Variants in SENP7 observed in about 807,000 individuals in gnomAD.
SENP7 encodes the protein SUMO specific peptidase 7.
A neutral mutation model predicts 141.2 loss-of-function variants in SENP7; 64 were observed. That is an observed-to-expected ratio of 0.45 (90% CI 0.37 to 0.56). The LOEUF (loss-of-function observed/expected upper bound fraction) is 0.56, where lower values mean the gene tolerates loss of function less well. Among genes scored for constraint, SENP7 ranks in the 20% least tolerant of loss-of-function variants. The probability of loss-of-function intolerance (pLI) is 0.00; values close to 1 mark genes in which losing one functional copy is unlikely to be tolerated. For synonymous variants in SENP7, 382 were observed against 426.4 expected (o/e 0.90, Z 1.28); for missense variants, 1,025 against 1,212.2 (o/e 0.85, Z 2.29).
chr3:101,434,228 A>G (rs2062298221), intron 4 of SENP7, among the ~76,000 whole-genome samples: 1 of 152,178 alleles, frequency 6.6e-6, no homozygotes, highest in Non-Finnish European at 1.5e-5. Flanking sequence ...AAATTTCTTG[A>G]AACAAATGAT....
At chr3:101,419,368 A>G (rs781187464) in intron 4 of SENP7, among the ~76,000 whole-genome samples, 1 of 152,224 alleles carries the variant, frequency 6.6e-6, no homozygotes, top group Non-Finnish European at 1.5e-5. Flanking sequence ...ATTAGGAAAC[A>G]CTGAGATCAG....
At chr3:101,402,157 A>T (rs2061163439) in intron 5 of SENP7, among the ~76,000 whole-genome samples, 1 of 152,198 alleles carries the variant, frequency 6.6e-6, no homozygotes, top group Non-Finnish European at 1.5e-5. Context: ...TAGATGAAAG[A>T]TCCTTCTATT....
chr3:101,375,929 A>G (rs2060315015), intron 6 of SENP7, among the ~76,000 whole-genome samples: 1 of 152,196 alleles, frequency 6.6e-6, no homozygotes, highest in South Asian at 2.1e-4. Context: ...ATTCACAGAG[A>G]CAGAAAGTAG....
At chr3:101,330,659 C>T (rs2059024810) in intron 19 of SENP7, among the ~76,000 whole-genome samples, 1 of 152,084 alleles carries the variant, frequency 6.6e-6, no homozygotes, top group African/African-American at 2.4e-5. Context: ...AGATAATCTT[C>T]AAAAATAGCT....
intron 6 of SENP7, among the ~76,000 whole-genome samples, chr3:101,385,112 G>A (rs1287315737): frequency 1.3e-5 from 2 of 152,058 alleles, no homozygotes; most frequent in African/African-American, 4.8e-5. Context: ...CAAACTGAAA[G>A]GATTTACTAG....
intron 6 of SENP7, among the ~76,000 whole-genome samples, chr3:101,381,550 T>C (rs2060502533): frequency 6.6e-6 from 1 of 152,090 alleles, no homozygotes; most frequent in African/African-American, 2.4e-5. Flanking sequence ...TCTCTTAATA[T>C]AAATATGCAT....
chr3:101,367,445 A>G (rs1414937794), intron 8 of SENP7, among the ~76,000 whole-genome samples: 2 of 151,452 alleles, frequency 1.3e-5, no homozygotes, highest in Non-Finnish European at 2.9e-5. Context: ...GTAAATTGCT[A>G]CTGATAAAAT....
intron 6 of SENP7, among the ~76,000 whole-genome samples, chr3:101,391,490 G>A (rs993140910): frequency 6.6e-6 from 1 of 151,926 alleles, no homozygotes; most frequent in African/African-American, 2.4e-5. Flanking sequence ...AAAATCTCAA[G>A]GAAACTGAAA....
intron 4 of SENP7, among the ~76,000 whole-genome samples, chr3:101,432,347 C>G (rs948779428): frequency 6.6e-6 from 1 of 152,182 alleles, no homozygotes; most frequent in Non-Finnish European, 1.5e-5. Flanking sequence ...CTGGACTGAC[C>G]AAGGGCTTGG....
Position 101,337,504 on chromosome 3 carries a change from C to T in SENP7, c.2480+5G>A. The T allele has an allele frequency of 6.6e-7, 1 of 1,512,628 alleles. No homozygotes were observed. Among genetic ancestry groups the T allele is most frequent in the Non-Finnish European group, 9.1e-7 (1 of 1,098,800 alleles). 93.7% of individuals were successfully genotyped at this position (1,512,628 alleles called of 1,614,324 possible). A position where few individuals can be genotyped will look rare whatever the true frequency, so the allele number is the denominator to read the frequency against. On this transcript the variant is annotated splice_donor_5th_base_variant and intron_variant, in intron 17 of 23. Transcript: ENST00000394095. ...AAACTTAAGTACATTAGAGGATTAA[C>T]TTACGAAAGATTTGGATTATCTTCT...
At chr3:101,506,366 A>C (rs1334248479) in intron 1 of SENP7, among the ~76,000 whole-genome samples, 2 of 151,994 alleles carry the variant, frequency 1.3e-5, no homozygotes, top group South Asian at 2.1e-4. Context: ...AATTATGCTA[A>C]GTGCTTTACA....
intron 3 of SENP7, among the ~76,000 whole-genome samples, chr3:101,489,703 T>C (rs765444956): frequency 9.2e-5 from 14 of 152,274 alleles, no homozygotes; most frequent in Admixed American, 2.6e-4. Flanking sequence ...AACCACATCA[T>C]AATAGTGAAA....
chr3:101,418,901 A>G (rs1005458938), intron 4 of SENP7, among the ~76,000 whole-genome samples: 1 of 152,224 alleles, frequency 6.6e-6, no homozygotes, highest in Non-Finnish European at 1.5e-5. Flanking sequence ...ACAAGCACTT[A>G]CTGAACATCT....
chr3:101,348,896 G>A (rs1470391116), intron 12 of SENP7, among the ~76,000 whole-genome samples: 4 of 151,872 alleles, frequency 2.6e-5, no homozygotes, highest in South Asian at 2.1e-4. Context: ...TCAGTCAAGC[G>A]TAAACCCAAG....
intron 4 of SENP7, among the ~76,000 whole-genome samples, chr3:101,443,660 C>G (rs1478135335): frequency 6.7e-6 from 1 of 149,916 alleles, no homozygotes; most frequent in African/African-American, 2.5e-5. Flanking sequence ...TGAAGAGGTC[C>G]TTCACATCAC....
chr3:101,413,237 C>G (rs935253630), intron 5 of SENP7, among the ~76,000 whole-genome samples: 15 of 151,924 alleles, frequency 9.9e-5, no homozygotes, highest in African/African-American at 3.4e-4. Context: ...AAACAAAAAG[C>G]CTCATATCAA....
intron 3 of SENP7, among the ~76,000 whole-genome samples, chr3:101,476,517 G>T (rs750542172): frequency 1.3e-5 from 2 of 152,088 alleles, no homozygotes; most frequent in African/African-American, 2.4e-5. Flanking sequence ...ATTTGGGTTG[G>T]TTCCAAGTCT....
At chr3:101,389,918 T>C (rs1020352831) in intron 6 of SENP7, among the ~76,000 whole-genome samples, 16 of 152,108 alleles carry the variant, frequency 1.1e-4, no homozygotes, top group African/African-American at 3.6e-4. Flanking sequence ...AGGAATTAAA[T>C]TGCCAACTTG....
Position 101,452,701 on chromosome 3 carries a change from C to T in SENP7, c.284+6254G>A, listed in dbSNP as rs867871877. On this transcript the variant is annotated intron_variant, in intron 4 of 23. Coordinates refer to ENST00000394095, the MANE Select transcript of SENP7 (RefSeq NM_020654.5). ...AACTGGATCCCTTCCTTACACCTTA[C>T]ACAAAAATTAATTCAAGATGGATTA... is the stretch of plus-strand genomic sequence containing the variant. 4.8e-3 allele frequency among the ~76,000 whole-genome samples: 725 copies of T among 152,126 alleles called. 6 individuals are homozygous for T. Among genetic ancestry groups the T allele is most frequent in the African/African-American group, 0.017 (695 of 41,492 alleles).
Sources: gnomAD v4.1 joint callset for allele counts (sites outside exome capture counted in the v4.1 genomes callset) on GRCh38, gnomAD v4.1.1 for gene constraint, MANE v1.5 for transcripts, NCBI Gene and HGNC (gene_info 2026-07-23, HGNC 2026-07-21) for gene names.